Variants in ESCO2 observed in about 807,000 individuals in gnomAD.
The protein encoded by ESCO2 is N-acetyltransferase ESCO2.
Under a neutral mutation model 61.7 loss-of-function variants are expected in ESCO2, and 51 were observed. That is an observed-to-expected ratio of 0.83 (90% CI 0.66 to 1.04). The LOEUF (loss-of-function observed/expected upper bound fraction) is 1.04. ESCO2 is among the 50% of genes least tolerant of loss of function. The pLI is 0.00. For synonymous variants in ESCO2, 230 were observed against 238.2 expected (o/e 0.97, Z 0.32); for missense variants, 692 against 686.2 (o/e 1.01, Z -0.09).
chr8:27,784,009 A>C lies in ESCO2; in HGVS notation c.965A>C (p.Lys322Thr). Residue 322 changes from lysine (K) to threonine (T), a missense_variant, in exon 5 of 11, where the codon AAG becomes ACG. Lys to Thr is a moderately conservative substitution (Grantham distance 78, BLOSUM62 -1). Coordinates refer to ENST00000305188, the MANE Select transcript of ESCO2 (RefSeq NM_001017420.3). ...ATTTTTCCCCTACCAGTTTCTCCTAAGTCCACTGTCTATCCAATCTTCAGT... is the reference window on the plus strand; with the variant it reads ...ATTTTTCCCCTACCAGTTTCTCCTACGTCCACTGTCTATCCAATCTTCAGT... ...SLGENKTISP[K>T]STVYPIFSAS... is the part of the protein sequence containing the mutation. 1 of 1,613,258 alleles carries C rather than the reference A, an allele frequency of 6.2e-7. No homozygotes were observed. The highest frequency in any genetic ancestry group is 8.5e-7 in the Non-Finnish European group (1 of 1,179,314).
Position 27,804,971 on chromosome 8 carries a change from A to G in ESCO2, c.*1533A>G, listed in dbSNP as rs1395508610. 3.3e-6 allele frequency: 1 copy of G among 306,036 alleles called. No homozygotes were observed. The highest frequency in any genetic ancestry group is 2.3e-5 in the African/African-American group (1 of 44,102). The allele number at this position is 306,036 out of a possible 1,614,324, so 19.0% of individuals were successfully genotyped here. Reference sequence around the variant, plus strand: ...TTAAATAAAATTCAGATAATACAGAAATAGAGATTGCCAAAAGAAGAGGCT... The same window carrying G: ...TTAAATAAAATTCAGATAATACAGAGATAGAGATTGCCAAAAGAAGAGGCT... On this transcript the variant is annotated 3_prime_UTR_variant, in exon 11 of 11. Transcript: ENST00000305188.
At chr8:27,798,101 A>G (rs1037828975) in intron 9 of ESCO2, among the ~76,000 whole-genome samples, 2 of 152,346 alleles carry the variant, frequency 1.3e-5, no homozygotes, top group Non-Finnish European at 2.9e-5. Flanking sequence ...CAGATCTCTC[A>G]CACCTTGTTA....
chr8:27,803,819 T>G lies in ESCO2; in HGVS notation c.*381T>G. 5 of 1,001,176 alleles carry G rather than the reference T, an allele frequency of 5.0e-6. No homozygotes were observed. Among genetic ancestry groups the G allele is most frequent in the Non-Finnish European group, 5.9e-6 (5 of 840,528 alleles). The allele number at this position is 1,001,176 out of a possible 1,614,324, so 62.0% of individuals were successfully genotyped here. ...ATAAAGCCCACTCTTAGACCAGGAT[T>G]ATCTAATGCCACATCAGAAGCAAAC... On this transcript the variant is annotated 3_prime_UTR_variant, in exon 11 of 11. Coordinates refer to ENST00000305188, the MANE Select transcript of ESCO2 (RefSeq NM_001017420.3).
At chr8:27,816,343 C>CTATATATATATATATATATATATATA (rs767822258), downstream of ESCO2, among the ~76,000 whole-genome samples, 6 of 136,362 alleles carry the variant, frequency 4.4e-5, no homozygotes, top group East Asian at 2.3e-4. Flanking sequence ...TCATCGAATA[C>CTATATATATATATATATATATATATA]TATATATATA....
chr8:27,775,474 A>G, intron 1 of ESCO2, 25 bp from the exon 2 acceptor site: 1 of 1,579,974 alleles, frequency 6.3e-7, no homozygotes, highest in Non-Finnish European at 8.7e-7. Flanking sequence ...ATTTTGATGA[A>G]TGTGGTTATT....
chr8:27,772,617 G>C (rs868528431), upstream of ESCO2: 4 of 1,461,082 alleles, frequency 2.7e-6, no homozygotes, highest in Non-Finnish European at 3.7e-6. Flanking sequence ...CCAGACTCGC[G>C]GCGGCCGCCT....
intron 9 of ESCO2, among the ~76,000 whole-genome samples, chr8:27,797,587 T>G (rs1015539021): frequency 1.3e-5 from 2 of 152,214 alleles, no homozygotes; most frequent in African/African-American, 4.8e-5. Context: ...GATTTACTAT[T>G]GCCATTTTGT....
At chr8:27,795,347 T>C (rs1805270816) in intron 9 of ESCO2, among the ~76,000 whole-genome samples, 7 of 152,338 alleles carry the variant, frequency 4.6e-5, no homozygotes, top group Admixed American at 1.3e-4. Context: ...ATAGAAACAC[T>C]ACTGACTTTT....
At chr8:27,793,061 G>A (rs1349370559) in intron 9 of ESCO2, among the ~76,000 whole-genome samples, 1 of 152,144 alleles carries the variant, frequency 6.6e-6, no homozygotes, top group Non-Finnish European at 1.5e-5. Context: ...AAAGTCTAGT[G>A]ATTTTAAGTA....
In ESCO2 at chr8:27,787,890, T is replaced by C. The variant is rs1263297181; in HGVS notation, c.1019T>C (p.Leu340Ser). 1.2e-6 allele frequency: 2 copies of C among 1,610,302 alleles called. No individual in the cohort carries two copies. Among genetic ancestry groups the C allele is most frequent in the South Asian group, 1.1e-5 (1 of 90,966 alleles). The change falls in exon 6 of 11, where the codon TTA (leucine) becomes TCA (serine). Residue 340 changes from leucine to serine, a missense_variant. Transcript: ENST00000305188. ...SASSVNSKRSLGEEQFSVGSV... is the reference protein window; with the variant it reads ...SASSVNSKRSSGEEQFSVGSV... ...TATCAACTTTCTGTGTCAAGATCTT[T>C]AGGTGAAGAACAGTTTTCTGTGGGA...
At chr8:27,813,280 GA>G (rs1429090117), downstream of ESCO2, among the ~76,000 whole-genome samples, 2 of 151,968 alleles carry the variant, frequency 1.3e-5, no homozygotes, top group Non-Finnish European at 2.9e-5. Context: ...AGAACACTTG[GA>G]CACAGGGTGG....
downstream of ESCO2, among the ~76,000 whole-genome samples, chr8:27,813,985 G>A (rs1003739060): frequency 6.6e-6 from 1 of 152,066 alleles, no homozygotes; most frequent in Non-Finnish European, 1.5e-5. Flanking sequence ...TTTTGATGCA[G>A]GCATGCAGTG....
chr8:27,795,461 A>T (rs763792072), intron 9 of ESCO2, among the ~76,000 whole-genome samples: 1 of 152,178 alleles, frequency 6.6e-6, no homozygotes, highest in African/African-American at 2.4e-5. Flanking sequence ...TGTCATTTGC[A>T]AACAGATGAT....
chr8:27,791,812 T>C (rs937925282), intron 7 of ESCO2, 151 bp from the exon 8 acceptor site: 3 of 713,746 alleles, frequency 4.2e-6, no homozygotes, highest in African/African-American at 3.6e-5. Context: ...CTTTTATTTC[T>C]CTTCCCACAT....
At chr8:27,799,917 A>G (rs1212314670) in intron 10 of ESCO2, among the ~76,000 whole-genome samples, 3 of 151,110 alleles carry the variant, frequency 2.0e-5, no homozygotes, top group Non-Finnish European at 4.4e-5. Flanking sequence ...GGTCTGAAAC[A>G]TACTAGCCCA....
chr8:27,817,430 TAAG>T (rs1383321269), downstream of ESCO2, among the ~76,000 whole-genome samples: 1 of 152,098 alleles, frequency 6.6e-6, no homozygotes, highest in Non-Finnish European at 1.5e-5. Context: ...GCATTTAAAA[TAAG>T]AAAAATATTT....
chr8:27,783,875 A>G (rs1213892660), intron 4 of ESCO2, 125 bp from the exon 5 acceptor site: 1 of 901,286 alleles, frequency 1.1e-6, no homozygotes, highest in African/African-American at 1.6e-5. Flanking sequence ...CCATGGAATT[A>G]CCTTTGCCTC....
chr8:27,792,650 G>C lies in ESCO2; in HGVS notation c.1354-18G>C, dbSNP rs80359865. ...ACTTTTTAAAACATTCACCTGTCTT[G>C]GTTTTTAAAATCATTAGGTAGAAGA... On this transcript the variant is annotated intron_variant, in intron 8 of 10. Transcript: ENST00000305188. 2 of 1,610,102 alleles carry C rather than the reference G, an allele frequency of 1.2e-6. No homozygotes were observed. The highest frequency in any genetic ancestry group is 1.7e-6 in the Non-Finnish European group (2 of 1,178,640).
downstream of ESCO2, among the ~76,000 whole-genome samples, chr8:27,815,887 G>A (rs17057911): frequency 0.16 from 23,930 of 152,126 alleles, 2,391 homozygotes; most frequent in East Asian, 0.37. Context: ...AAGATGGATT[G>A]TTCTGACAAC....
Sources: allele counts gnomAD v4.1 joint callset (sites outside exome capture counted in the v4.1 genomes callset), GRCh38; gene constraint gnomAD v4.1.1; transcripts MANE v1.5; gene names NCBI Gene and HGNC (gene_info 2026-07-23, HGNC 2026-07-21).